JPH2: variants seen among roughly 807,000 people sequenced by gnomAD.
JPH2 encodes the protein junctophilin-2.
Under a neutral mutation model 55.9 loss-of-function variants are expected in JPH2, and 38 were observed. The observed-to-expected ratio is 0.68, with a 90% CI of 0.52 to 0.89. The LOEUF (loss-of-function observed/expected upper bound fraction) is 0.89, where lower values mean the gene tolerates loss of function less well. JPH2 is among the 40% of genes least tolerant of loss of function. JPH2 has a pLI of 0.00. For synonymous variants in JPH2, 480 were observed against 472.4 expected (o/e 1.02, Z -0.21); for missense variants, 964 against 1,037.6 (o/e 0.93, Z 0.97).
At chr20:44,141,769 A>G (rs940641984) in intron 2 of JPH2, among the ~76,000 whole-genome samples, 24 of 151,994 alleles carry the variant, frequency 1.6e-4, no homozygotes, top group African/African-American at 5.6e-4. Context: ...TCTGCCTCCC[A>G]AAGAGCTGGG....
At chr20:44,125,686 C>A (rs1457075568) in intron 2 of JPH2, among the ~76,000 whole-genome samples, 2 of 152,176 alleles carry the variant, frequency 1.3e-5, no homozygotes, top group African/African-American at 4.8e-5. Context: ...GGGCTCAGAG[C>A]AAAGTCTATA....
rs6130530 is a variant in JPH2, at chr20:44,111,079, C to T, written c.*2439G>A. 0.3 allele frequency among the ~76,000 whole-genome samples: 44,981 copies of T among 151,966 alleles called. 6,953 individuals are homozygous for T. The highest frequency in any genetic ancestry group is 0.47 in the East Asian group (2,432 of 5,162). ...TTTCCTGCCACCAACTTGCTGTGTGCGTGACCTTGGGCAAGTCCCTCTGCT... is the reference window on the plus strand; with the variant it reads ...TTTCCTGCCACCAACTTGCTGTGTGTGTGACCTTGGGCAAGTCCCTCTGCT... On this transcript the variant is annotated 3_prime_UTR_variant, in exon 6 of 6. Coordinates refer to ENST00000372980, the MANE Select transcript of JPH2 (RefSeq NM_020433.5).
At chr20:44,141,061 G>A (rs183875919) in intron 2 of JPH2, among the ~76,000 whole-genome samples, 9 of 152,326 alleles carry the variant, frequency 5.9e-5, no homozygotes, top group South Asian at 4.1e-4. Flanking sequence ...GAAGGGGCTA[G>A]AGATGTGGTG....
intron 1 of JPH2, among the ~76,000 whole-genome samples, chr20:44,164,550 A>G (rs1416704726): frequency 6.6e-6 from 1 of 152,210 alleles, no homozygotes; most frequent in African/African-American, 2.4e-5. Context: ...AGTGCTAGAA[A>G]AGTGCAAGAA....
intron 2 of JPH2, among the ~76,000 whole-genome samples, chr20:44,130,711 T>C (rs1346136641): frequency 1.3e-5 from 2 of 152,226 alleles, no homozygotes; most frequent in Non-Finnish European, 2.9e-5. Flanking sequence ...TTTTACAAAC[T>C]ATAAAAACCA....
rs975180849 is a variant in JPH2 at position 44,186,173 on chromosome 20, G to A, written c.379+154C>T. On this transcript the variant is annotated intron_variant, in intron 1 of 5. Coordinates refer to ENST00000372980, the MANE Select transcript of JPH2 (RefSeq NM_020433.5). ...TTTACTACAAGAAAATGGAAGCTCAGAAAGGTAGAGCAGCTTGCCCAAAAC... is the reference window on the plus strand; with the variant it reads ...TTTACTACAAGAAAATGGAAGCTCAAAAAGGTAGAGCAGCTTGCCCAAAAC... 2.0e-5 allele frequency among the ~76,000 whole-genome samples: 3 copies of A among 152,100 alleles called. No homozygotes were observed. In the South Asian group the frequency reaches 6.2e-4, roughly 32 times the overall value.
intron 2 of JPH2, among the ~76,000 whole-genome samples, chr20:44,136,403 C>T (rs6017271): frequency 0.08 from 12,220 of 152,032 alleles, 698 homozygotes; most frequent in African/African-American, 0.16. Flanking sequence ...CTGGGTGCAA[C>T]CCAGCAAGAG....
intron 1 of JPH2, among the ~76,000 whole-genome samples, chr20:44,183,711 T>C (rs1196711377): frequency 6.6e-6 from 1 of 152,226 alleles, no homozygotes; most frequent in African/African-American, 2.4e-5. Flanking sequence ...ATGCCAAATG[T>C]CATTTGTAAA....
At chr20:44,169,327 C>T (rs980555188) in intron 1 of JPH2, among the ~76,000 whole-genome samples, 8 of 152,088 alleles carry the variant, frequency 5.3e-5, no homozygotes, top group Admixed American at 3.3e-4. Context: ...CAGGTTCCTG[C>T]CACCATGCCC....
chr20:44,107,118 A>G lies in JPH2; in HGVS notation c.*6400T>C, dbSNP rs569458356. 2.5e-4 allele frequency among the ~76,000 whole-genome samples: 38 copies of G among 152,260 alleles called. No individual in the cohort carries two copies. Among genetic ancestry groups the G allele is most frequent in the Non-Finnish European group, 5.1e-4 (35 of 68,020 alleles). Reference sequence around the variant, plus strand: ...TCAGTGTCTGCTCCTGCAGAATCCAATCAGTGATGGCATCTTCCACATACA... The same window carrying G: ...TCAGTGTCTGCTCCTGCAGAATCCAGTCAGTGATGGCATCTTCCACATACA... On this transcript the variant is annotated 3_prime_UTR_variant, in exon 6 of 6. Coordinates refer to ENST00000372980, the MANE Select transcript of JPH2 (RefSeq NM_020433.5).
intron 1 of JPH2, among the ~76,000 whole-genome samples, chr20:44,185,584 G>A (rs1238311391): frequency 2.6e-5 from 4 of 151,642 alleles, no homozygotes; most frequent in African/African-American, 2.4e-5. Flanking sequence ...GCAAAGAGCC[G>A]AGATCATGCC....
chr20:44,159,913 T>C lies in JPH2; in HGVS notation c.874A>G (p.Met292Val), dbSNP rs753442824. The stretch of plus-strand genomic sequence containing the variant: ...CGTTTGTCGTTCTTCCACTCGCCCA[T>C]GTAGGTCTCGGTGGTGGTGGCGTCG... ...DIDATTTETYMGEWKNDKRSG... is the reference protein window; with the variant it reads ...DIDATTTETYVGEWKNDKRSG... Residue 292 changes from methionine (M) to valine (V), a missense_variant, in exon 2 of 6, where the codon ATG (methionine) becomes GTG (valine). By Grantham distance (21) the Met-to-Val change is conservative. Coordinates refer to ENST00000372980, the MANE Select transcript of JPH2 (RefSeq NM_020433.5). The surrounding 1 kb of genome is among the most constrained non-coding windows in gnomAD (Gnocchi z 5.7). The C allele has an allele frequency of 6.2e-7, 1 of 1,612,406 alleles. No individual in the cohort carries two copies. The highest frequency in any genetic ancestry group is 8.5e-7 in the Non-Finnish European group (1 of 1,179,624).
At chr20:44,186,247 G>T in intron 1 of JPH2, 80 bp downstream of exon 1, 1 of 1,514,498 alleles carries the variant, frequency 6.6e-7, no homozygotes, top group Non-Finnish European at 9.0e-7. Context: ...CCAATTGCCG[G>T]TCGCCTTTCC....
At chr20:44,171,060 A>T (rs1374775822) in intron 1 of JPH2, among the ~76,000 whole-genome samples, 1 of 152,158 alleles carries the variant, frequency 6.6e-6, no homozygotes, top group Non-Finnish European at 1.5e-5. Flanking sequence ...TGCAACTCTC[A>T]GCAGGTTACT....
At position 44,160,678 on chromosome 20, in the gene JPH2, G is replaced by A. The variant is rs114513012; in HGVS notation, c.380-271C>T. 1.0e-3 allele frequency among the ~76,000 whole-genome samples: 159 copies of A among 152,374 alleles called. No individual in the cohort carries two copies. The highest frequency in any genetic ancestry group is 3.8e-3 in the African/African-American group (156 of 41,586). The stretch of plus-strand genomic sequence containing the variant: ...TCACAAGTCGTGAACGGATAAGCTA[G>A]TGAGTTCGCATGGTAGTGCAAATGT... On this transcript the variant is annotated intron_variant, in intron 1 of 5. Coordinates refer to ENST00000372980, the MANE Select transcript of JPH2 (RefSeq NM_020433.5). This position sits in a 1 kb window ranked among gnomAD's most constrained non-coding sequence, Gnocchi z 4.9.
At chr20:44,162,799 C>T (rs868459401) in intron 1 of JPH2, among the ~76,000 whole-genome samples, 128 of 132,816 alleles carry the variant, frequency 9.6e-4, no homozygotes, top group African/African-American at 3.7e-3. Context: ...CACACACACA[C>T]ACACACACAC....
intron 1 of JPH2, among the ~76,000 whole-genome samples, chr20:44,165,355 C>T (rs982069464): frequency 6.6e-6 from 1 of 151,900 alleles, no homozygotes; most frequent in Non-Finnish European, 1.5e-5. Flanking sequence ...GGAAAGTCAT[C>T]AGCTCTACTT....
intron 2 of JPH2, among the ~76,000 whole-genome samples, chr20:44,145,896 C>T (rs1052865019): frequency 2.6e-5 from 4 of 152,080 alleles, no homozygotes; most frequent in African/African-American, 9.7e-5. Context: ...GCACGTTGGG[C>T]CTCCTCTTTC....
chr20:44,179,052 G>C (rs924093027), intron 1 of JPH2, among the ~76,000 whole-genome samples: 1 of 152,090 alleles, frequency 6.6e-6, no homozygotes, highest in Non-Finnish European at 1.5e-5. Flanking sequence ...CAGAAGCTTG[G>C]GTTTTTGACC....
Sources: gnomAD v4.1 joint callset for allele counts (sites outside exome capture counted in the v4.1 genomes callset) on GRCh38, gnomAD v4.1.1 for gene constraint, Gnocchi (gnomAD v3.1) non-coding constraint, MANE v1.5 for transcripts, NCBI Gene and HGNC (gene_info 2026-07-23, HGNC 2026-07-21) for gene names.